The following ZBTB14 variants were observed in gnomAD, a reference collection of about 807,000 sequenced individuals.
ZBTB14 encodes zinc finger and BTB domain containing 14.
Under a neutral mutation model 29.5 loss-of-function variants are expected in ZBTB14, and 8 were observed. That is an observed-to-expected ratio of 0.27 (90% CI 0.16 to 0.49). The LOEUF (loss-of-function observed/expected upper bound fraction) is 0.49, where lower values mean the gene tolerates loss of function less well. ZBTB14 is among the 20% of genes least tolerant of loss of function. ZBTB14 has a pLI of 0.99. For missense variants in ZBTB14, 333 were observed against 563.8 expected, an observed-to-expected ratio of 0.59 and a Z score of 4.15; for synonymous variants, 226 against 207.2, an observed-to-expected ratio of 1.09 and a Z score of -0.78.
At chr18:5,293,900 C>G (rs1196396265) in intron 2 of ZBTB14, 72 bp downstream of exon 2, 3 of 152,084 alleles carry the variant, frequency 2.0e-5, no homozygotes, top group East Asian at 3.9e-4. Context: ...TTGATAAATC[C>G]AGGTGTTTTT....
intron 3 of ZBTB14, among the ~76,000 whole-genome samples, chr18:5,292,888 C>G (rs967210758): frequency 6.6e-6 from 1 of 152,246 alleles, no homozygotes; most frequent in African/African-American, 2.4e-5. Flanking sequence ...TTAATCTGAC[C>G]TTAAGAGAAT....
At chr18:5,294,876 T>G (rs2071908318) in intron 1 of ZBTB14, 1 of 152,070 alleles carries the variant, frequency 6.6e-6, no homozygotes, top group South Asian at 2.1e-4. Flanking sequence ...GTTGCAAGCT[T>G]GCAACTTCGG....
upstream of ZBTB14, among the ~76,000 whole-genome samples, chr18:5,296,390 C>A (rs1353401256): frequency 1.3e-5 from 2 of 150,242 alleles, no homozygotes; most frequent in East Asian, 4.0e-4. Context: ...TCGTGGGCTT[C>A]CGCCCGCGCC....
intron 1 of ZBTB14, among the ~76,000 whole-genome samples, chr18:5,295,026 G>A (rs1022070022): frequency 6.6e-6 from 1 of 152,008 alleles, no homozygotes; most frequent in African/African-American, 2.4e-5. Context: ...AAAGCTCCCA[G>A]CCTGGGAGCC....
chr18:5,292,302 C>A, intron 3 of ZBTB14, 98 bp from the exon 4 acceptor site: 1 of 1,053,872 alleles, frequency 9.5e-7, no homozygotes, highest in Non-Finnish European at 1.3e-6. Flanking sequence ...TGGAACCTAA[C>A]AATTTCAGAA....
rs371555747 is a variant in ZBTB14, at chr18:5,293,347, C to G, written c.-81-20G>C. The G allele has an allele frequency of 3.4e-4, 429 of 1,253,582 alleles. No homozygotes were observed. Among genetic ancestry groups the G allele is most frequent in the Non-Finnish European group, 4.6e-4 (412 of 890,430 alleles). 77.7% of individuals were successfully genotyped at this position (1,253,582 alleles called of 1,614,324 possible). A position where few individuals can be genotyped will look rare whatever the true frequency, so the allele number is the denominator to read the frequency against. The stretch of plus-strand genomic sequence containing the variant: ...CCAGACCTACAGAGGAAAGGATAAA[C>G]AAGAATGAGGTAGGATCTTCCTGTA... On this transcript the variant is annotated intron_variant, in intron 2 of 3. Transcript: ENST00000651870.
At chr18:5,292,918 G>A (rs1176234348) in intron 3 of ZBTB14, among the ~76,000 whole-genome samples, 1 of 152,170 alleles carries the variant, frequency 6.6e-6, no homozygotes, top group East Asian at 1.9e-4. Flanking sequence ...TTTGGGAAGT[G>A]GCTTTGTTCT....
rs1453180839 is a variant in ZBTB14 at position 5,290,907 on chromosome 18, G to A, written c.1301C>T (p.Ala434Val). ...CTGCTGTTCTGCTTCCGCAGCCATC[G>A]CTGCCGCCTGCAACTGTTCTGTCTC... ...QSETEQLQAAAMAAEAEQQLE... is the reference protein window; with the variant it reads ...QSETEQLQAAVMAAEAEQQLE... The change falls in exon 4 of 4, where the codon GCG becomes GTG. Residue 434 changes from alanine to valine, a missense_variant. Transcript: ENST00000651870. 2.5e-6 allele frequency: 4 copies of A among 1,614,258 alleles called. No individual in the cohort carries two copies. The highest frequency in any genetic ancestry group is 3.4e-6 in the Non-Finnish European group (4 of 1,180,044).
chr18:5,296,543 C>T (rs1034334239), upstream of ZBTB14, among the ~76,000 whole-genome samples: 2 of 151,842 alleles, frequency 1.3e-5, no homozygotes, highest in Admixed American at 1.3e-4. Context: ...GCGCCCCGGC[C>T]ACTTTCGCCC....
chr18:5,290,592 A>G lies in ZBTB14; in HGVS notation c.*266T>C, dbSNP rs2071788439. ...TGGACACAGGAGTTCTCAAATTAAA[A>G]TAATAAAAAAAAAAAAGGGAGAGAG... On this transcript the variant is annotated 3_prime_UTR_variant, in exon 4 of 4. Transcript: ENST00000651870. The G allele has an allele frequency of 2.4e-6, 1 of 424,074 alleles. No homozygotes were observed. 26.3% of individuals were successfully genotyped at this position (424,074 alleles called of 1,614,324 possible).
rs2071861577 is a variant in ZBTB14, at chr18:5,293,339, A to G, written c.-81-12T>C. 1 of 1,309,996 alleles carries G rather than the reference A, an allele frequency of 7.6e-7. No homozygotes were observed. The highest frequency in any genetic ancestry group is 1.1e-6 in the Non-Finnish European group (1 of 942,078). 81.1% of individuals were successfully genotyped at this position (1,309,996 alleles called of 1,614,324 possible). A position where few individuals can be genotyped will look rare whatever the true frequency, so the allele number is the denominator to read the frequency against. ...GGAGCACGCCAGACCTACAGAGGAA[A>G]GGATAAACAAGAATGAGGTAGGATC... is the stretch of plus-strand genomic sequence containing the variant. On this transcript the variant is annotated splice_polypyrimidine_tract_variant and intron_variant, in intron 2 of 3. Coordinates refer to ENST00000651870, the MANE Select transcript of ZBTB14 (RefSeq NM_001243702.2).
At position 5,291,365 on chromosome 18, in the gene ZBTB14, C is replaced by T. The variant is rs779444390; in HGVS notation, c.843G>A (p.Ala281=). ...GHHREQIACQ[A]CGKTFSDEGR... Reference sequence around the variant, plus strand: ...CTTCATCAGAAAACGTCTTCCCACACGCCTGGCAGGCAATCTGCTCCCGAT... The same window carrying T: ...CTTCATCAGAAAACGTCTTCCCACATGCCTGGCAGGCAATCTGCTCCCGAT... Residue 281 remains alanine (A), a synonymous_variant, in exon 4 of 4, where the codon GCG becomes GCA. Transcript: ENST00000651870. This position sits in a 1 kb window ranked among gnomAD's most constrained non-coding sequence, Gnocchi z 5.8. 63 of 1,614,106 alleles carry T rather than the reference C, an allele frequency of 3.9e-5. No individual in the cohort carries two copies. The highest frequency in any genetic ancestry group is 6.6e-5 in the South Asian group (6 of 91,090).
At chr18:5,296,476 C>T (rs772914297), upstream of ZBTB14, among the ~76,000 whole-genome samples, 51 of 150,416 alleles carry the variant, frequency 3.4e-4, no homozygotes, top group Non-Finnish European at 6.4e-4. Flanking sequence ...AGAGCCTCCC[C>T]CGGGCGCGCG....
At position 5,293,289 on chromosome 18, in the gene ZBTB14, C is replaced by G. The variant is rs149392244; in HGVS notation, c.-43G>C. On this transcript the variant is annotated 5_prime_UTR_variant, in exon 3 of 4. Transcript: ENST00000651870. Reference sequence around the variant, plus strand: ...ATCTTAATGCCTTGAACGCCAAAATCTTCAGATCAGAGTAACTCTGATCAG... The same window carrying G: ...ATCTTAATGCCTTGAACGCCAAAATGTTCAGATCAGAGTAACTCTGATCAG... The G allele has an allele frequency of 2.0e-5, 33 of 1,612,184 alleles. No homozygotes were observed. The African/African-American group carries it at 2.1e-4, about 10-fold the overall frequency.
rs780154344 is a variant in ZBTB14 at position 5,291,306 on chromosome 18, G to A, written c.902C>T (p.Ala301Val). Residue 301 changes from alanine to valine, a missense_variant, in exon 4 of 4, where the codon GCG becomes GTG. Ala to Val is a moderately conservative substitution (Grantham distance 64). Coordinates refer to ENST00000651870, the MANE Select transcript of ZBTB14 (RefSeq NM_001243702.2). The surrounding 1 kb of genome is among the most constrained non-coding windows in gnomAD (Gnocchi z 5.8). ...RLRKHEKLHT[A>V]DRPFVCEMCT... ...CATTTCACAAACAAATGGCCTGTCC[G>A]CCGTGTGGAGTTTCTCATGCTTCCT... The A allele has an allele frequency of 5.0e-6, 8 of 1,614,196 alleles. No homozygotes were observed. Among genetic ancestry groups the A allele is most frequent in the Middle Eastern group, 1.6e-4 (1 of 6,062 alleles).
chr18:5,291,807 T>A lies in ZBTB14; in HGVS notation c.401A>T (p.Asp134Val). The stretch of plus-strand genomic sequence containing the variant: ...ACTTTTGGACTGACCATTGTTTTCA[T>A]CGGGACTGGACACATCACGCTTCTG... ...CSQKRDVSSP[D>V]ENNGQSKSKY... Residue 134 changes from aspartate to valine, a missense_variant, in exon 4 of 4, where the codon GAT (aspartate) becomes GTT (valine). Transcript: ENST00000651870. The surrounding 1 kb of genome is among the most constrained non-coding windows in gnomAD (Gnocchi z 5.8). 2 of 1,613,830 alleles carry A rather than the reference T, an allele frequency of 1.2e-6. No homozygotes were observed. The highest frequency in any genetic ancestry group is 1.7e-6 in the Non-Finnish European group (2 of 1,179,854).
At position 5,290,663 on chromosome 18, in the gene ZBTB14, A is replaced by C. The variant is rs2071791409; in HGVS notation, c.*195T>G. ...ATACTAGACACCAGACAAGACAGTG[A>C]AACGGTTTGGTCAGAACTGAGGAAC... is the stretch of plus-strand genomic sequence containing the variant. On this transcript the variant is annotated 3_prime_UTR_variant, in exon 4 of 4. Coordinates refer to ENST00000651870, the MANE Select transcript of ZBTB14 (RefSeq NM_001243702.2). The C allele has an allele frequency of 1.3e-5, 10 of 751,104 alleles. No homozygotes were observed. Among genetic ancestry groups the C allele is most frequent in the Non-Finnish European group, 2.1e-5 (10 of 487,128 alleles). The allele number at this position is 751,104 out of a possible 1,614,324, so 46.5% of individuals were successfully genotyped here.
At position 5,291,394 on chromosome 18, in the gene ZBTB14, G is replaced by T; in HGVS notation, c.814C>A (p.His272Asn). 1 of 1,614,188 alleles carries T rather than the reference G, an allele frequency of 6.2e-7. No homozygotes were observed. The highest frequency in any genetic ancestry group is 1.1e-5 in the South Asian group (1 of 91,050). ...TGGCAGGCAATCTGCTCCCGATGGT[G>T]ACCATAAAGCAAATACTCAAACTTC... ...DMKFEYLLYG[H>N]HREQIACQAC... The change falls in exon 4 of 4, where the codon CAC (histidine) becomes AAC (asparagine). Residue 272 changes from histidine to asparagine, a missense_variant. Physicochemically the swap from His to Asn is moderately conservative, Grantham distance 68. This residue lies in a region of ZBTB14 where 140 missense variants were observed against 274.6 expected (regional missense o/e 0.51). Coordinates refer to ENST00000651870, the MANE Select transcript of ZBTB14 (RefSeq NM_001243702.2). The surrounding 1 kb of genome is among the most constrained non-coding windows in gnomAD (Gnocchi z 5.8).
chr18:5,295,040 T>C (rs561062189), intron 1 of ZBTB14, among the ~76,000 whole-genome samples: 253 of 151,842 alleles, frequency 1.7e-3, no homozygotes, highest in African/African-American at 5.9e-3. Context: ...GGGAGCCAGG[T>C]GGTGAAAGGG....
Sources: allele counts gnomAD v4.1 joint callset (sites outside exome capture counted in the v4.1 genomes callset), GRCh38; gene constraint gnomAD v4.1.1; regional missense constraint gnomAD v4.1.1; non-coding constraint Gnocchi (gnomAD v3.1); transcripts MANE v1.5; gene names NCBI Gene and HGNC (gene_info 2026-07-23, HGNC 2026-07-21).